The following PSMG1 variants were observed in gnomAD, a reference collection of about 807,000 sequenced individuals.
The protein encoded by PSMG1 is proteasome assembly chaperone 1.
A neutral mutation model predicts 37.2 loss-of-function variants in PSMG1; 23 were observed. That is an observed-to-expected ratio of 0.62 (90% CI 0.44 to 0.88). The LOEUF is 0.88. Among genes scored for constraint, PSMG1 ranks in the 40% least tolerant of loss-of-function variants. The pLI is 0.00. For missense variants in PSMG1, 340 were observed against 344.2 expected (o/e 0.99, Z 0.10); for synonymous variants, 127 against 128.0 (o/e 0.99, Z 0.05).
chr21:39,182,418 C>T (rs560847737), intron 1 of PSMG1, among the ~76,000 whole-genome samples: 2 of 152,284 alleles, frequency 1.3e-5, no homozygotes, highest in Admixed American at 1.3e-4. Flanking sequence ...CCTGTGGACC[C>T]TGTTAGGATT....
At chr21:39,180,018 G>GT (rs3835285) in intron 3 of PSMG1, 32 bp from the exon 4 acceptor site, 524,652 of 1,606,440 alleles carry the variant, frequency 0.33, 90,811 homozygotes, top group Middle Eastern at 0.36. Context: ...TTTTTGTCAA[G>GT]TAAGTTTTAT....
intron 2 of PSMG1, 27 bp from the exon 3 acceptor site, chr21:39,180,463 G>C (rs535849617): frequency 6.4e-7 from 1 of 1,550,672 alleles, no homozygotes; most frequent in African/African-American, 1.4e-5. Flanking sequence ...ACATAAGTTA[G>C]TGTTTGGCTC....
Position 39,178,477 on chromosome 21 carries a change from C to T in PSMG1, c.627G>A (p.Pro209=), listed in dbSNP as rs747299094. The T allele has an allele frequency of 1.4e-5, 22 of 1,613,702 alleles. No homozygotes were observed. Among genetic ancestry groups the T allele is most frequent in the African/African-American group, 1.1e-4 (8 of 74,886 alleles). Residue 209 remains proline, a synonymous_variant, in exon 5 of 7, where the codon CCG becomes CCA. Coordinates refer to ENST00000331573, the MANE Select transcript of PSMG1 (RefSeq NM_003720.4). ...CTGCAGGAAGGTCGTGTACTATATT[C>T]GGTTGTTCTAGCAATGGACAACACG... ...DSACCPLLEQ[P]NIVHDLPAAV...
At chr21:39,175,744 A>C in intron 6 of PSMG1, 80 bp from the exon 7 acceptor site, 1 of 899,528 alleles carries the variant, frequency 1.1e-6, no homozygotes. Context: ...CACGACCAAC[A>C]ATCTCCACAC....
At chr21:39,181,942 C>T in intron 1 of PSMG1, 64 bp from the exon 2 acceptor site, 1 of 1,028,286 alleles carries the variant, frequency 9.7e-7, no homozygotes, top group African/African-American at 1.7e-5. Flanking sequence ...GGCAAAAGGG[C>T]ACTATATGTA....
At chr21:39,177,596 C>A (rs371462006) in intron 5 of PSMG1, 25 bp from the exon 6 acceptor site, 5 of 1,462,938 alleles carry the variant, frequency 3.4e-6, no homozygotes, top group South Asian at 1.5e-5. Flanking sequence ...GAAAAAAAAA[C>A]GATGTAAGTT....
chr21:39,183,434 C>G lies in PSMG1; in HGVS notation c.-49G>C. 6.6e-7 allele frequency: 1 copy of G among 1,520,952 alleles called. No individual in the cohort carries two copies. Among genetic ancestry groups the G allele is most frequent in the Non-Finnish European group, 8.8e-7 (1 of 1,138,430 alleles). The allele number at this position is 1,520,952 out of a possible 1,614,324, so 94.2% of individuals were successfully genotyped here. ...ACAACTGCAGCGCCGCGGGACCGCA[C>G]GCCGGCTTGCGCGAGACCACGCTCC... On this transcript the variant is annotated 5_prime_UTR_variant, in exon 1 of 7. Coordinates refer to ENST00000331573, the MANE Select transcript of PSMG1 (RefSeq NM_003720.4).
At chr21:39,183,227 C>T in intron 1 of PSMG1, 25 bp downstream of exon 1, 2 of 1,554,834 alleles carry the variant, frequency 1.3e-6, no homozygotes, top group Non-Finnish European at 1.7e-6. Flanking sequence ...GCGGTGAGCG[C>T]GCTGCCCTTA....
chr21:39,181,075 C>T (rs917390737), intron 2 of PSMG1, among the ~76,000 whole-genome samples: 29 of 152,130 alleles, frequency 1.9e-4, no homozygotes, highest in African/African-American at 6.8e-4. Flanking sequence ...AACCCGGATA[C>T]CTCAACACAC....
At chr21:39,178,730 AC>A in intron 4 of PSMG1, 83 bp from the exon 5 acceptor site, 1 of 1,255,104 alleles carries the variant, frequency 8.0e-7, no homozygotes, top group South Asian at 1.4e-5. Context: ...TTCACCTAAC[AC>A]CACAGACAAT....
intron 2 of PSMG1, among the ~76,000 whole-genome samples, chr21:39,181,474 G>C (rs2030825261): frequency 6.6e-6 from 1 of 151,498 alleles, no homozygotes; most frequent in Non-Finnish European, 1.5e-5. Context: ...AGATAGTGCA[G>C]ACCAGGTGCT....
Position 39,183,038 on chromosome 21 carries a change from C to G in PSMG1, c.134+214G>C. 5 of 556,802 alleles carry G rather than the reference C, an allele frequency of 9.0e-6. No individual in the cohort carries two copies. In the East Asian group the frequency reaches 1.4e-4, roughly 16 times the overall value. The allele number at this position is 556,802 out of a possible 1,614,324, so 34.5% of individuals were successfully genotyped here. A position where few individuals can be genotyped will look rare whatever the true frequency, so the allele number is the denominator to read the frequency against. ...CACCCTGGACTCCACGAAACGCCAG[C>G]AGATCCACGCGAGAACCACACACAC... is the stretch of plus-strand genomic sequence containing the variant. On this transcript the variant is annotated intron_variant, in intron 1 of 6. Transcript: ENST00000331573.
At chr21:39,180,083 A>C in intron 3 of PSMG1, 97 bp from the exon 4 acceptor site, 1 of 1,345,448 alleles carries the variant, frequency 7.4e-7, no homozygotes, top group Non-Finnish European at 1.0e-6. Flanking sequence ...CACTTAGGTA[A>C]TACTTATTTT....
At chr21:39,181,162 TG>T (rs960316115) in intron 2 of PSMG1, among the ~76,000 whole-genome samples, 1 of 152,106 alleles carries the variant, frequency 6.6e-6, no homozygotes, top group Non-Finnish European at 1.5e-5. Context: ...GTTGGGGTCT[TG>T]CTTTGTTACC....
rs562774244 is a variant in PSMG1, at chr21:39,180,362, A to G, written c.316T>C (p.Cys106Arg). 28 of 1,612,722 alleles carry G rather than the reference A, an allele frequency of 1.7e-5. No individual in the cohort carries two copies. In the South Asian group the frequency reaches 2.8e-4, roughly 16 times the overall value. ...VGCAKLWNEW[C>R]RTTDTTHLSS... The stretch of plus-strand genomic sequence containing the variant: ...AGATGTGTAGTGTCTGTTGTTCTAC[A>G]CCATTCATTCCAGAGTTTAGCACAA... The change falls in exon 3 of 7, where the codon TGT (cysteine) becomes CGT (arginine). Residue 106 changes from cysteine to arginine, a missense_variant. Cys to Arg is a radical substitution (Grantham distance 180). Transcript: ENST00000331573.
chr21:39,181,005 T>C (rs1204133105), intron 2 of PSMG1, among the ~76,000 whole-genome samples: 2 of 152,240 alleles, frequency 1.3e-5, no homozygotes, highest in East Asian at 1.9e-4. Context: ...TTGATAATTA[T>C]TACTGTCTTT....
chr21:39,183,221 T>C, intron 1 of PSMG1, 31 bp downstream of exon 1: 1 of 1,539,934 alleles, frequency 6.5e-7, no homozygotes, highest in Non-Finnish European at 8.7e-7. Flanking sequence ...CCAGCTGCGG[T>C]GAGCGCGCTG....
intron 4 of PSMG1, 176 bp from the exon 5 acceptor site, chr21:39,178,823 T>A: frequency 1.5e-6 from 1 of 646,428 alleles, no homozygotes; most frequent in Non-Finnish European, 2.6e-6. Context: ...TGATCTTGGT[T>A]CTGCTTTCTA....
At chr21:39,179,347 A>G (rs1226437598) in intron 4 of PSMG1, among the ~76,000 whole-genome samples, 2 of 152,212 alleles carry the variant, frequency 1.3e-5, no homozygotes, top group African/African-American at 4.8e-5. Context: ...AAATGAAGTC[A>G]GAGTGCCAGA....
Sources: allele counts gnomAD v4.1 joint callset (sites outside exome capture counted in the v4.1 genomes callset), GRCh38; gene constraint gnomAD v4.1.1; transcripts MANE v1.5; gene names NCBI Gene and HGNC (gene_info 2026-07-23, HGNC 2026-07-21).